The following ACYP2 variants were observed in gnomAD, a reference collection of about 807,000 sequenced individuals.
The protein encoded by ACYP2 is acylphosphatase 2, also known as acylphosphatase-2.
Under a neutral mutation model 11.2 loss-of-function variants are expected in ACYP2, and 12 were observed. The ratio of observed to expected loss-of-function variants is 1.08; its 90% CI spans 0.69 to 1.74. ACYP2 has a LOEUF of 1.74. ACYP2 is among the 40% of genes most tolerant of loss of function. The pLI is 0.00. For missense variants in ACYP2, 134 were observed against 101.9 expected (o/e 1.31, Z -1.35); for synonymous variants, 43 against 32.2 (o/e 1.33, Z -1.13).
chr2:54,149,625 A>G (rs965303216), intron 6 of ACYP2, among the ~76,000 whole-genome samples: 5 of 152,226 alleles, frequency 3.3e-5, no homozygotes, highest in East Asian at 1.9e-4. Context: ...TATATTTTCC[A>G]TAAAGACTCA....
At chr2:54,144,368 G>A (rs959842827) in intron 6 of ACYP2, among the ~76,000 whole-genome samples, 3 of 151,368 alleles carry the variant, frequency 2.0e-5, no homozygotes, top group Admixed American at 2.0e-4. Context: ...AATTTGTTGC[G>A]ATAAATTTTA....
intron 6 of ACYP2, among the ~76,000 whole-genome samples, chr2:54,247,425 C>A (rs1351993451): frequency 6.6e-6 from 1 of 152,202 alleles, no homozygotes; most frequent in Non-Finnish European, 1.5e-5. Context: ...GCAGAAAGCT[C>A]ATTGGAGCTG....
chr2:54,038,323 C>T (rs1223799551), intron 2 of ACYP2, among the ~76,000 whole-genome samples: 3 of 152,216 alleles, frequency 2.0e-5, no homozygotes, highest in South Asian at 2.1e-4. Context: ...ACCCTTTTCC[C>T]GTCTTCTTTG....
intron 6 of ACYP2, among the ~76,000 whole-genome samples, chr2:54,191,198 C>T (rs1298164831): frequency 6.6e-6 from 1 of 152,106 alleles, no homozygotes; most frequent in Non-Finnish European, 1.5e-5. Flanking sequence ...CCCCCTTTCA[C>T]TCAGAATAAA....
intron 4 of ACYP2, among the ~76,000 whole-genome samples, chr2:54,117,627 A>G (rs1679890426): frequency 6.6e-6 from 1 of 152,176 alleles, no homozygotes; most frequent in African/African-American, 2.4e-5. Flanking sequence ...GGGGGTGTTT[A>G]TGGAACCTCG....
intron 6 of ACYP2, among the ~76,000 whole-genome samples, chr2:54,252,790 G>T (rs1297406498): frequency 6.6e-6 from 1 of 152,118 alleles, no homozygotes; most frequent in African/African-American, 2.4e-5. Context: ...TGTAGTCCCA[G>T]CTACTCGGGA....
At chr2:54,052,162 T>G (rs1675902423) in intron 3 of ACYP2, among the ~76,000 whole-genome samples, 1 of 152,028 alleles carries the variant, frequency 6.6e-6, no homozygotes, top group Admixed American at 6.6e-5. Context: ...TGAATAAGTT[T>G]GTTTTAGTGC....
At chr2:53,971,445 T>A (rs928758051) in intron 1 of ACYP2, 1 of 152,374 alleles carries the variant, frequency 6.6e-6, no homozygotes, top group Admixed American at 6.5e-5. Flanking sequence ...CCTTATAGAT[T>A]TAATTTTTCT....
At chr2:54,229,685 A>G (rs923140667) in intron 6 of ACYP2, among the ~76,000 whole-genome samples, 68 of 152,186 alleles carry the variant, frequency 4.5e-4, no homozygotes, top group Non-Finnish European at 1.9e-4. Flanking sequence ...TCCATATTTT[A>G]TAACAGCACC....
At chr2:54,034,073 T>G (rs1240261968) in intron 2 of ACYP2, among the ~76,000 whole-genome samples, 1 of 152,198 alleles carries the variant, frequency 6.6e-6, no homozygotes, top group East Asian at 1.9e-4. Context: ...TTTTTGGTTT[T>G]TGCCAGAAAG....
At chr2:53,976,178 G>A (rs951715809) in intron 2 of ACYP2, among the ~76,000 whole-genome samples, 2 of 152,062 alleles carry the variant, frequency 1.3e-5, no homozygotes, top group African/African-American at 4.8e-5. Flanking sequence ...AGATATATTG[G>A]CAAGTGAATG....
intron 6 of ACYP2, among the ~76,000 whole-genome samples, chr2:54,250,386 T>A (rs138155745): frequency 0.011 from 1,587 of 145,820 alleles, 35 homozygotes; most frequent in African/African-American, 0.036. Context: ...GGCAGGAGAA[T>A]CACTTGAACC....
intron 6 of ACYP2, among the ~76,000 whole-genome samples, chr2:54,259,792 G>C (rs1687704054): frequency 6.6e-6 from 1 of 152,206 alleles, no homozygotes; most frequent in South Asian, 2.1e-4. Flanking sequence ...TACTTTCAGT[G>C]GAGTGGTGGG....
At chr2:54,142,051 C>T in intron 6 of ACYP2, 1 of 401,442 alleles carries the variant, frequency 2.5e-6, no homozygotes, top group East Asian at 3.5e-5. Context: ...GTTGTTGTTG[C>T]TTTGTAGAGA....
At chr2:54,011,598 G>A (rs1673374841) in intron 2 of ACYP2, among the ~76,000 whole-genome samples, 1 of 152,114 alleles carries the variant, frequency 6.6e-6, no homozygotes, top group South Asian at 2.1e-4. Context: ...TATTTCTACT[G>A]ATTGCCCTTT....
chr2:54,227,622 CAA>C (rs201968288), intron 6 of ACYP2, among the ~76,000 whole-genome samples: 1 of 144,274 alleles, frequency 6.9e-6, no homozygotes, highest in Non-Finnish European at 1.5e-5. Context: ...GACTCCATTT[CAA>C]AAAAAAAAAA....
chr2:54,113,331 C>A (rs7565453), intron 4 of ACYP2, among the ~76,000 whole-genome samples: 1 of 151,194 alleles, frequency 6.6e-6, no homozygotes, highest in African/African-American at 2.4e-5. Flanking sequence ...CCTCTGCCTC[C>A]TGGGCAAAAG....
chr2:54,031,910 C>T (rs181288861), intron 2 of ACYP2, among the ~76,000 whole-genome samples: 7,614 of 152,154 alleles, frequency 0.05, 369 homozygotes, highest in East Asian at 0.21. Flanking sequence ...GTCTTTTGGC[C>T]GCATAAATTT....
intron 2 of ACYP2, among the ~76,000 whole-genome samples, chr2:53,986,170 G>T (rs574273358): frequency 1.3e-5 from 2 of 151,632 alleles, no homozygotes; most frequent in African/African-American, 4.8e-5. Context: ...AAATAAAATA[G>T]CCTGGCACCT....
Sources: gnomAD v4.1 joint callset for allele counts (sites outside exome capture counted in the v4.1 genomes callset) on GRCh38, gnomAD v4.1.1 for gene constraint, MANE v1.5 for transcripts, NCBI Gene and HGNC (gene_info 2026-07-23, HGNC 2026-07-21) for gene names.